FSTL4: variants seen among roughly 807,000 people sequenced by gnomAD.
FSTL4 encodes the protein follistatin like 4, also known as follistatin-related protein 4.
FSTL4 carries 28 observed loss-of-function variants against 78.2 expected under a neutral mutation model. The observed-to-expected ratio is 0.36, with a 90% CI of 0.27 to 0.49. The LOEUF (loss-of-function observed/expected upper bound fraction) is 0.49. Ranked by LOEUF, FSTL4 falls within the 20% of genes least tolerant of loss-of-function variation. The probability of loss-of-function intolerance (pLI) is 0.98; values close to 1 mark genes in which losing one functional copy is unlikely to be tolerated. For synonymous variants in FSTL4, 422 were observed against 440.5 expected (o/e 0.96, Z 0.53); for missense variants, 922 against 1,084.9 (o/e 0.85, Z 2.11).
intron 1 of FSTL4, among the ~76,000 whole-genome samples, chr5:133,609,691 A>G (rs1761050764): frequency 2.0e-5 from 3 of 152,256 alleles, no homozygotes; most frequent in African/African-American, 7.2e-5. Context: ...CACTTGATAA[A>G]TTAGATGGCT....
chr5:133,506,723 G>T (rs546250943), intron 3 of FSTL4, among the ~76,000 whole-genome samples: 1 of 152,282 alleles, frequency 6.6e-6, no homozygotes, highest in Admixed American at 6.5e-5. Flanking sequence ...GTGAGAATTA[G>T]GTTGAAAACA....
chr5:133,367,106 T>C (rs1438103975), intron 4 of FSTL4, among the ~76,000 whole-genome samples: 1 of 152,194 alleles, frequency 6.6e-6, no homozygotes, highest in Non-Finnish European at 1.5e-5. Context: ...GGAAGACAGC[T>C]GTTCTTCTTT....
At chr5:133,448,588 C>CA (rs1757313759) in intron 3 of FSTL4, among the ~76,000 whole-genome samples, 1 of 152,172 alleles carries the variant, frequency 6.6e-6, no homozygotes, top group African/African-American at 2.4e-5. Flanking sequence ...TTGCCTCTGT[C>CA]AGAGCTCAGC....
the FSTL4 span, among the ~76,000 whole-genome samples, chr5:133,688,981 G>T: frequency 1.3e-5 from 2 of 152,192 alleles, no homozygotes; most frequent in Admixed American, 6.5e-5. Flanking sequence ...CTCACTCAGG[G>T]TGACAGGAGT....
At chr5:133,835,330 T>A in the FSTL4 span, among the ~76,000 whole-genome samples, 7 of 152,202 alleles carry the variant, frequency 4.6e-5, no homozygotes, top group African/African-American at 1.7e-4. Context: ...CCAATACCCA[T>A]CAGCCCATGT....
chr5:133,555,394 C>A (rs1471529955), intron 3 of FSTL4, among the ~76,000 whole-genome samples: 1 of 152,210 alleles, frequency 6.6e-6, no homozygotes, highest in Non-Finnish European at 1.5e-5. Context: ...ATCTCCAACT[C>A]TGCCTCAATT....
chr5:133,305,148 A>C (rs1172131645), intron 6 of FSTL4, among the ~76,000 whole-genome samples: 1 of 152,212 alleles, frequency 6.6e-6, no homozygotes, highest in Non-Finnish European at 1.5e-5. Flanking sequence ...TCATCACCGG[A>C]GGCCTTCAAA....
rs111381701 is a variant in FSTL4 at position 133,566,936 on chromosome 5, C to T, written c.160+250G>A. ...TCTTAAGAGACCAAAAACATGATTG[C>T]GAATGAGCCAGTTCTTCAAGTATCC... is the stretch of plus-strand genomic sequence containing the variant. On this transcript the variant is annotated intron_variant, in intron 3 of 15. Coordinates refer to ENST00000265342, the MANE Select transcript of FSTL4 (RefSeq NM_015082.2). Among the ~76,000 whole-genome samples, 430 of 152,208 alleles carry T rather than the reference C, an allele frequency of 2.8e-3. 4 individuals carry two copies. Among genetic ancestry groups the T allele is most frequent in the Middle Eastern group, 0.014 (4 of 294 alleles).
At chr5:133,330,853 T>C (rs1222789047) in intron 4 of FSTL4, among the ~76,000 whole-genome samples, 1 of 152,200 alleles carries the variant, frequency 6.6e-6, no homozygotes, top group Non-Finnish European at 1.5e-5. Flanking sequence ...TCCCAGGTAC[T>C]GTGATTTTTA....
intron 3 of FSTL4, among the ~76,000 whole-genome samples, chr5:133,553,775 GAACTT>G (rs1759733773): frequency 6.6e-6 from 1 of 152,108 alleles, no homozygotes; most frequent in Non-Finnish European, 1.5e-5. Context: ...TCAAAACATA[GAACTT>G]AACTAGAAAA....
At chr5:133,772,170 T>C in the FSTL4 span, among the ~76,000 whole-genome samples, 6 of 152,198 alleles carry the variant, frequency 3.9e-5, no homozygotes, top group African/African-American at 1.4e-4. Flanking sequence ...AAAATTAAAA[T>C]GTTTAAAGAA....
chr5:133,836,866 T>G, the FSTL4 span, among the ~76,000 whole-genome samples: 3 of 152,194 alleles, frequency 2.0e-5, no homozygotes, highest in African/African-American at 7.2e-5. Context: ...CCTCTGAATT[T>G]TATAAGATTT....
intron 3 of FSTL4, among the ~76,000 whole-genome samples, chr5:133,476,504 A>G (rs1757927378): frequency 2.6e-5 from 4 of 152,212 alleles, no homozygotes; most frequent in Admixed American, 2.6e-4. Context: ...AATCCCCAGC[A>G]TTTTAAGCAG....
At chr5:133,306,143 A>G (rs1170015207) in intron 6 of FSTL4, among the ~76,000 whole-genome samples, 1 of 152,260 alleles carries the variant, frequency 6.6e-6, no homozygotes, top group African/African-American at 2.4e-5. Context: ...ATTATTTAGA[A>G]GGTATGCAGA....
At chr5:133,597,228 C>G (rs781361921) in intron 2 of FSTL4, among the ~76,000 whole-genome samples, 1 of 152,182 alleles carries the variant, frequency 6.6e-6, no homozygotes, top group Non-Finnish European at 1.5e-5. Flanking sequence ...GCTTGGCAGG[C>G]CTGAAGAGTA....
the FSTL4 span, among the ~76,000 whole-genome samples, chr5:133,802,657 C>T: frequency 6.6e-6 from 1 of 152,220 alleles, no homozygotes; most frequent in Admixed American, 6.5e-5. Context: ...ACCATCATCC[C>T]AGCCCAAGCC....
chr5:133,268,519 A>G (rs1423899233), intron 6 of FSTL4, among the ~76,000 whole-genome samples: 1 of 152,132 alleles, frequency 6.6e-6, no homozygotes, highest in African/African-American at 2.4e-5. Flanking sequence ...AGGACTTTGC[A>G]GGTCAAATGG....
chr5:133,309,419 T>C (rs557512881), intron 6 of FSTL4, among the ~76,000 whole-genome samples: 2 of 152,314 alleles, frequency 1.3e-5, no homozygotes, highest in East Asian at 1.9e-4. Flanking sequence ...AGAGAGGCAA[T>C]TGGGAGCCTT....
At chr5:133,341,830 T>C (rs770154907) in intron 4 of FSTL4, among the ~76,000 whole-genome samples, 3 of 152,202 alleles carry the variant, frequency 2.0e-5, no homozygotes, top group Non-Finnish European at 4.4e-5. Context: ...TCATCCATGA[T>C]GCAAGAACAC....
Sources: allele counts gnomAD v4.1 joint callset (sites outside exome capture counted in the v4.1 genomes callset), GRCh38; gene constraint gnomAD v4.1.1; transcripts MANE v1.5; gene names NCBI Gene and HGNC (gene_info 2026-07-23, HGNC 2026-07-21).